The following GRIN2B variants were observed in gnomAD, a reference collection of about 807,000 sequenced individuals.
GRIN2B encodes the protein glutamate ionotropic receptor NMDA type subunit 2B.
In GRIN2B, 5 loss-of-function variants were observed where a neutral mutation model predicts 114.5. The ratio of observed to expected loss-of-function variants is 0.04; its 90% confidence interval spans 0.02 to 0.09. The LOEUF is 0.09. Ranked by LOEUF, GRIN2B falls within the 10% of genes least tolerant of loss-of-function variation. The pLI is 1.00. For synonymous variants in GRIN2B, 787 were observed against 745.1 expected (o/e 1.06, Z -0.92); for missense variants, 1,108 against 1,943.5 (o/e 0.57, Z 8.08).
At chr12:13,715,152 G>A (rs1565510892) in intron 4 of GRIN2B, among the ~76,000 whole-genome samples, 1 of 152,004 alleles carries the variant, frequency 6.6e-6, no homozygotes, top group African/African-American at 2.4e-5. Context: ...TCGCTAACAA[G>A]ATGAAGCCAA....
At chr12:13,630,155 T>C (rs562176200) in intron 5 of GRIN2B, among the ~76,000 whole-genome samples, 2 of 152,110 alleles carry the variant, frequency 1.3e-5, no homozygotes, top group Non-Finnish European at 2.9e-5. Flanking sequence ...GCTAAACACA[T>C]AACAGCAAGA....
At chr12:13,657,690 C>G (rs1454712839) in intron 5 of GRIN2B, among the ~76,000 whole-genome samples, 1 of 152,044 alleles carries the variant, frequency 6.6e-6, no homozygotes, top group Non-Finnish European at 1.5e-5. Context: ...GAGGGGAGTA[C>G]AGAGGGGCAG....
intron 4 of GRIN2B, among the ~76,000 whole-genome samples, chr12:13,683,342 G>A (rs543386289): frequency 2.5e-4 from 38 of 152,110 alleles, no homozygotes; most frequent in Admixed American, 1.6e-3. Flanking sequence ...GCAGTGTAGC[G>A]AGGTGTTTAA....
chr12:13,596,760 G>A (rs1211092590), intron 10 of GRIN2B, among the ~76,000 whole-genome samples: 3 of 152,204 alleles, frequency 2.0e-5, no homozygotes, highest in Non-Finnish European at 4.4e-5. Flanking sequence ...AACAAACTTC[G>A]CTGGAAATAC....
At position 13,545,038 on chromosome 12, in the gene GRIN2B, A is replaced by T. The variant is rs1237304333; in HGVS notation, c.*17745T>A. ...TACAAGGCCCTACCTGACTTGCGTT[A>T]TTGCCCCCTCTCTGACCTCACCTCT... On this transcript the variant is annotated 3_prime_UTR_variant, in exon 14 of 14. Transcript: ENST00000609686. 1 of 152,136 alleles carries T rather than the reference A, an allele frequency of 6.6e-6. No homozygotes were observed. Among genetic ancestry groups the T allele is most frequent in the Non-Finnish European group, 1.5e-5 (1 of 68,064 alleles). The allele number at this position is 152,136 out of a possible 1,614,324, so 9.4% of individuals were successfully genotyped here.
intron 3 of GRIN2B, among the ~76,000 whole-genome samples, chr12:13,764,597 T>C (rs1166647137): frequency 6.6e-6 from 1 of 152,176 alleles, no homozygotes; most frequent in African/African-American, 2.4e-5. Flanking sequence ...CCAACGTTGA[T>C]GGAAATAAGA....
At chr12:13,692,718 G>A (rs1220645231) in intron 4 of GRIN2B, among the ~76,000 whole-genome samples, 1 of 141,872 alleles carries the variant, frequency 7.0e-6, no homozygotes, top group East Asian at 2.0e-4. Flanking sequence ...AACTCGAATA[G>A]TTGGGTAGTA....
intron 10 of GRIN2B, among the ~76,000 whole-genome samples, chr12:13,590,483 G>T (rs1007842021): frequency 6.6e-6 from 1 of 152,122 alleles, no homozygotes; most frequent in Non-Finnish European, 1.5e-5. Flanking sequence ...ATGAGAACAC[G>T]TGGTGTTTGG....
intron 2 of GRIN2B, among the ~76,000 whole-genome samples, chr12:13,896,469 G>C (rs1030617439): frequency 6.6e-6 from 1 of 152,064 alleles, no homozygotes; most frequent in Non-Finnish European, 1.5e-5. Context: ...AGCATCCAAA[G>C]GAAGCAAAAA....
intron 3 of GRIN2B, among the ~76,000 whole-genome samples, chr12:13,771,592 A>G (rs1863909935): frequency 6.6e-6 from 1 of 152,230 alleles, no homozygotes; most frequent in South Asian, 2.1e-4. Context: ...ATTTTCCTCC[A>G]GAATATAAAA....
rs575044098 is a variant in GRIN2B, at chr12:13,613,159, G to A, written c.1655-1309C>T. 2.5e-4 allele frequency among the ~76,000 whole-genome samples: 38 copies of A among 152,198 alleles called. No individual in the cohort carries two copies. The Middle Eastern group carries it at 0.014, about 54-fold the overall frequency. On this transcript the variant is annotated intron_variant, in intron 8 of 13. Coordinates refer to ENST00000609686, the MANE Select transcript of GRIN2B (RefSeq NM_000834.5). Reference sequence around the variant, plus strand: ...GTACAATTCAAAGGCTCTCTCCAGAGGTGTGGAGAAAACCTCTGCACACTT... The same window carrying A: ...GTACAATTCAAAGGCTCTCTCCAGAAGTGTGGAGAAAACCTCTGCACACTT...
At chr12:13,583,561 T>C (rs78510394) in intron 10 of GRIN2B, among the ~76,000 whole-genome samples, 3,797 of 152,220 alleles carry the variant, frequency 0.025, 152 homozygotes, top group African/African-American at 0.086. Flanking sequence ...CCTGAATTAG[T>C]ATGCCTATCC....
chr12:13,951,396 T>C (rs562466992), intron 2 of GRIN2B, among the ~76,000 whole-genome samples: 48 of 152,268 alleles, frequency 3.2e-4, no homozygotes, highest in Non-Finnish European at 5.9e-4. Flanking sequence ...ATAGGAACCC[T>C]GCAGCCTGAA....
intron 3 of GRIN2B, among the ~76,000 whole-genome samples, chr12:13,772,586 G>A (rs1863925705): frequency 6.6e-6 from 1 of 152,054 alleles, no homozygotes; most frequent in African/African-American, 2.4e-5. Flanking sequence ...AATTCTCTAA[G>A]CACACACATA....
intron 2 of GRIN2B, among the ~76,000 whole-genome samples, chr12:13,887,197 G>A (rs1028389060): frequency 6.6e-6 from 1 of 152,146 alleles, no homozygotes; most frequent in Non-Finnish European, 1.5e-5. Flanking sequence ...CAATGATACA[G>A]GAGAAACAAA....
At position 13,765,528 on chromosome 12, in the gene GRIN2B, A is replaced by G. The variant is rs533831797; in HGVS notation, c.412-11613T>C. On this transcript the variant is annotated intron_variant, in intron 3 of 13. Coordinates refer to ENST00000609686, the MANE Select transcript of GRIN2B (RefSeq NM_000834.5). ...GTCAGTATGAACAAAACTGATGTCA[A>G]GATGGATGATGGTTTGTCATTACCT... 1.2e-3 allele frequency among the ~76,000 whole-genome samples: 187 copies of G among 152,348 alleles called. 2 individuals are homozygous for G. The highest frequency in any genetic ancestry group is 4.2e-3 in the African/African-American group (175 of 41,574).
chr12:13,750,677 T>G (rs1277037969), intron 4 of GRIN2B, among the ~76,000 whole-genome samples: 1 of 152,184 alleles, frequency 6.6e-6, no homozygotes, highest in Non-Finnish European at 1.5e-5. Flanking sequence ...ACAGTACATT[T>G]TTCAAGGGAA....
At chr12:13,565,272 C>T (rs1422487527) in intron 13 of GRIN2B, among the ~76,000 whole-genome samples, 6 of 152,078 alleles carry the variant, frequency 3.9e-5, no homozygotes, top group Non-Finnish European at 8.8e-5. Context: ...GCCCTGGGGT[C>T]AAAGAAGGAT....
rs528449846 is a variant in GRIN2B, at chr12:13,540,338, C to T, written c.*22445G>A. 6.6e-6 allele frequency: 1 copy of T among 152,164 alleles called. No homozygotes were observed. The highest frequency in any genetic ancestry group is 2.1e-4 in the South Asian group (1 of 4,820). 9.4% of individuals were successfully genotyped at this position (152,164 alleles called of 1,614,324 possible). A position where few individuals can be genotyped will look rare whatever the true frequency, so the allele number is the denominator to read the frequency against. ...AAGAGAAAGAATCTTTGACTATTTACAGCTTTTATACATCACAAAGTTTTT... is the reference window on the plus strand; with the variant it reads ...AAGAGAAAGAATCTTTGACTATTTATAGCTTTTATACATCACAAAGTTTTT... On this transcript the variant is annotated 3_prime_UTR_variant, in exon 14 of 14. Transcript: ENST00000609686.
Sources: allele counts gnomAD v4.1 joint callset (sites outside exome capture counted in the v4.1 genomes callset), GRCh38; gene constraint gnomAD v4.1.1; transcripts MANE v1.5; gene names NCBI Gene and HGNC (gene_info 2026-07-23, HGNC 2026-07-21).